The following SLC25A21 variants were observed in gnomAD, a reference collection of about 807,000 sequenced individuals.
SLC25A21 encodes mitochondrial 2-oxodicarboxylate carrier.
Under a neutral mutation model 43.8 loss-of-function variants are expected in SLC25A21, and 47 were observed. That is an observed-to-expected ratio of 1.07 (90% CI 0.85 to 1.37). SLC25A21 has a LOEUF of 1.37. SLC25A21 is among the 40% of genes most tolerant of loss of function. The pLI is 0.00. For missense variants in SLC25A21, 352 were observed against 350.2 expected, an observed-to-expected ratio of 1.00 and a Z score of -0.04; for synonymous variants, 131 against 121.3, an observed-to-expected ratio of 1.08 and a Z score of -0.52.
rs1808789556 is a variant in SLC25A21 at position 36,956,371 on chromosome 14, T to C, written c.71-81367A>G. On this transcript the variant is annotated intron_variant, in intron 1 of 9. Transcript: ENST00000331299. ...CATGACACCAGTTAAGGAAATCTAA[T>C]AAAACCTCTCGTAGAAATGGTGTAA... Among the ~76,000 whole-genome samples, 3 of 152,192 alleles carry C rather than the reference T, an allele frequency of 2.0e-5. No homozygotes were observed. In the South Asian group the frequency reaches 6.2e-4, roughly 32 times the overall value.
chr14:37,080,037 C>T (rs1201004894), intron 1 of SLC25A21, among the ~76,000 whole-genome samples: 4 of 152,138 alleles, frequency 2.6e-5, no homozygotes, highest in Non-Finnish European at 5.9e-5. Context: ...AAGGTCCATA[C>T]CAGACACCAA....
rs368415325 is a variant in SLC25A21 at position 36,683,788 on chromosome 14, A to C, written c.838+40T>G. 8 of 1,444,880 alleles carry C rather than the reference A, an allele frequency of 5.5e-6. No individual in the cohort carries two copies. In the East Asian group the frequency reaches 9.2e-5, roughly 17 times the overall value. The allele number at this position is 1,444,880 out of a possible 1,614,324, so 89.5% of individuals were successfully genotyped here. ...ATATCAAAAAAAGAGACGCTAGAAC[A>C]ATAAAGAAGGAAGGATTAAATAATC... On this transcript the variant is annotated intron_variant, in intron 9 of 9. Transcript: ENST00000331299.
intron 1 of SLC25A21, among the ~76,000 whole-genome samples, chr14:37,067,781 C>G (rs868739968): frequency 6.6e-6 from 1 of 152,194 alleles, no homozygotes; most frequent in South Asian, 2.1e-4. Context: ...TAAAATTAAG[C>G]ATGTGCTCAG....
At chr14:36,701,276 T>C (rs1883266853) in intron 7 of SLC25A21, among the ~76,000 whole-genome samples, 2 of 152,238 alleles carry the variant, frequency 1.3e-5, no homozygotes, top group Non-Finnish European at 2.9e-5. Flanking sequence ...GTGTTTGTTT[T>C]CTCTTCATGC....
chr14:36,913,939 A>G (rs548895898), intron 1 of SLC25A21, among the ~76,000 whole-genome samples: 17 of 152,324 alleles, frequency 1.1e-4, no homozygotes, highest in African/African-American at 4.1e-4. Context: ...GACTGTTACA[A>G]TATGTGATTG....
At chr14:37,023,580 CT>C (rs1961032067) in intron 1 of SLC25A21, among the ~76,000 whole-genome samples, 1 of 151,976 alleles carries the variant, frequency 6.6e-6, no homozygotes, top group South Asian at 2.1e-4. Context: ...TCATCAATAA[CT>C]TTCTTCTGAA....
At chr14:37,096,811 T>C (rs969336269) in intron 1 of SLC25A21, among the ~76,000 whole-genome samples, 6 of 152,154 alleles carry the variant, frequency 3.9e-5, no homozygotes, top group African/African-American at 1.2e-4. Flanking sequence ...AAAACAGCCA[T>C]TTTGAATTAC....
chr14:36,960,325 G>A (rs10137084), intron 1 of SLC25A21, among the ~76,000 whole-genome samples: 21,900 of 151,908 alleles, frequency 0.14, 1,643 homozygotes, highest in East Asian at 0.27. Flanking sequence ...TAACAATGGC[G>A]AATATCTCAG....
chr14:36,968,570 T>G (rs1427155492), intron 1 of SLC25A21, among the ~76,000 whole-genome samples: 1 of 152,138 alleles, frequency 6.6e-6, no homozygotes, highest in Non-Finnish European at 1.5e-5. Flanking sequence ...TTAATAGGCT[T>G]CTGCACAGAG....
chr14:36,903,814 C>G (rs1211905297), intron 1 of SLC25A21, among the ~76,000 whole-genome samples: 1 of 152,092 alleles, frequency 6.6e-6, no homozygotes, highest in Non-Finnish European at 1.5e-5. Flanking sequence ...AAGCCAGCTC[C>G]CTTGCTTCCC....
chr14:37,169,970 T>C (rs1019146669), intron 1 of SLC25A21, among the ~76,000 whole-genome samples: 4 of 152,140 alleles, frequency 2.6e-5, no homozygotes, highest in South Asian at 2.1e-4. Context: ...GAATATATGA[T>C]GGAATCACAC....
At chr14:36,941,805 A>G (rs1188612797) in intron 1 of SLC25A21, among the ~76,000 whole-genome samples, 2 of 152,074 alleles carry the variant, frequency 1.3e-5, no homozygotes, top group East Asian at 3.8e-4. Context: ...ACTTAAATAC[A>G]TAATTTTAGA....
chr14:37,164,761 CA>C (rs1405810095), intron 1 of SLC25A21, among the ~76,000 whole-genome samples: 2 of 152,126 alleles, frequency 1.3e-5, no homozygotes, highest in African/African-American at 4.8e-5. Context: ...TTAGCCTTTT[CA>C]GGTTAAAAGC....
intron 7 of SLC25A21, among the ~76,000 whole-genome samples, chr14:36,709,580 T>TA (rs534022291): frequency 8.5e-5 from 13 of 152,164 alleles, no homozygotes; most frequent in Non-Finnish European, 1.9e-4. Context: ...CAAAAAAACA[T>TA]AAGCTTCTAC....
intron 1 of SLC25A21, among the ~76,000 whole-genome samples, chr14:37,048,661 C>G (rs533095054): frequency 6.6e-6 from 1 of 152,170 alleles, no homozygotes; most frequent in Non-Finnish European, 1.5e-5. Context: ...CAAAACTTTA[C>G]TCTGGTGTTA....
At chr14:36,782,067 G>C (rs973913750) in intron 3 of SLC25A21, among the ~76,000 whole-genome samples, 2 of 152,094 alleles carry the variant, frequency 1.3e-5, no homozygotes, top group African/African-American at 2.4e-5. Context: ...ACTCTCCCCT[G>C]GCCTGCAAGG....
chr14:37,036,716 T>C (rs1420493389), intron 1 of SLC25A21, among the ~76,000 whole-genome samples: 1 of 152,206 alleles, frequency 6.6e-6, no homozygotes, highest in African/African-American at 2.4e-5. Flanking sequence ...AATTTTGAAG[T>C]TCAATTCACC....
intron 1 of SLC25A21, among the ~76,000 whole-genome samples, chr14:37,041,379 G>A (rs1961467997): frequency 6.6e-6 from 1 of 152,240 alleles, no homozygotes. Flanking sequence ...ACAAAGCTGG[G>A]TGCAGTGGTG....
intron 1 of SLC25A21, among the ~76,000 whole-genome samples, chr14:37,014,303 C>T (rs976446008): frequency 1.3e-5 from 2 of 152,156 alleles, no homozygotes. Flanking sequence ...AGTTAATCCA[C>T]TTAAACCCTG....
Sources: allele counts gnomAD v4.1 joint callset (sites outside exome capture counted in the v4.1 genomes callset), GRCh38; gene constraint gnomAD v4.1.1; transcripts MANE v1.5; gene names NCBI Gene and HGNC (gene_info 2026-07-23, HGNC 2026-07-21).